NNMT: variants seen among roughly 807,000 people sequenced by gnomAD.
The protein encoded by NNMT is nicotinamide N-methyltransferase.
Under a neutral mutation model 11.7 loss-of-function variants are expected in NNMT, and 10 were observed. The observed-to-expected ratio is 0.85, with a 90% CI of 0.53 to 1.45. The LOEUF (loss-of-function observed/expected upper bound fraction) is 1.45. Ranked by LOEUF, NNMT falls within the 40% of genes most tolerant of loss-of-function variation. The pLI is 0.00. For synonymous variants in NNMT, 143 were observed against 133.8 expected, an observed-to-expected ratio of 1.07 and a Z score of -0.48; for missense variants, 381 against 319.4, an observed-to-expected ratio of 1.19 and a Z score of -1.47.
At chr11:114,309,542 G>A (rs1044875346) in intron 2 of NNMT, among the ~76,000 whole-genome samples, 11 of 151,854 alleles carry the variant, frequency 7.2e-5, no homozygotes, top group Non-Finnish European at 1.6e-4. Context: ...TTTAGTGGTT[G>A]GTAGGAATTC....
At chr11:114,306,095 A>G (rs80172914) in intron 2 of NNMT, among the ~76,000 whole-genome samples, 2,748 of 152,250 alleles carry the variant, frequency 0.018, 87 homozygotes, top group African/African-American at 0.061. Flanking sequence ...TTCTCTGATG[A>G]CCAGTGATGA....
chr11:114,269,494 C>G (rs1253690709), intron 2 of NNMT: 3 of 152,222 alleles, frequency 2.0e-5, no homozygotes, highest in Non-Finnish European at 4.4e-5. Context: ...CTGCACCTCC[C>G]TATTCATTAT....
Position 114,298,106 on chromosome 11 carries a change from G to C in NNMT, c.310G>C (p.Ala104Pro), listed in dbSNP as rs750827011. The change falls in exon 2 of 3, where the codon GCC (alanine) becomes CCC (proline). Residue 104 changes from alanine (A) to proline (P), a missense_variant. By Grantham distance (27) the Ala-to-Pro change is conservative. Transcript: ENST00000299964. ...GAAGTGGCTGAAGAAAGAGCCAGAG[G>C]CCTTTGACTGGTCCCCAGTGGTGAC... ...LEKWLKKEPE[A>P]FDWSPVVTYV... 2.5e-5 allele frequency: 40 copies of C among 1,614,166 alleles called. No individual in the cohort carries two copies. The highest frequency in any genetic ancestry group is 1.6e-4 in the Middle Eastern group (1 of 6,062).
intron 2 of NNMT, among the ~76,000 whole-genome samples, chr11:114,302,995 T>C (rs1442488790): frequency 6.6e-6 from 1 of 152,204 alleles, no homozygotes. Context: ...TTCCAGCCTT[T>C]AGAATTGTAG....
intron 2 of NNMT, among the ~76,000 whole-genome samples, chr11:114,286,447 T>G (rs1440538180): frequency 6.6e-6 from 1 of 152,196 alleles, no homozygotes; most frequent in Admixed American, 6.5e-5. Flanking sequence ...ACCACTATCC[T>G]GGCATCTAAT....
intron 2 of NNMT, among the ~76,000 whole-genome samples, chr11:114,281,419 A>G (rs1435549964): frequency 1.3e-5 from 2 of 152,148 alleles, no homozygotes; most frequent in South Asian, 2.1e-4. Context: ...ACTGGGGAGT[A>G]TAGAGGAGGT....
chr11:114,277,253 A>AAAAG (rs1446895429), intron 2 of NNMT, among the ~76,000 whole-genome samples: 1 of 152,144 alleles, frequency 6.6e-6, no homozygotes, highest in Non-Finnish European at 1.5e-5. Context: ...AAAGAAAAAG[A>AAAAG]AAAGAAAGAA....
At chr11:114,277,220 C>T (rs1005824904) in intron 2 of NNMT, among the ~76,000 whole-genome samples, 2 of 151,874 alleles carry the variant, frequency 1.3e-5, no homozygotes, top group African/African-American at 4.8e-5. Context: ...AAGACTCTGT[C>T]TCAAAAAGTA....
intron 2 of NNMT, among the ~76,000 whole-genome samples, chr11:114,268,309 G>A (rs1945138344): frequency 6.6e-6 from 1 of 152,066 alleles, no homozygotes; most frequent in African/African-American, 2.4e-5. Context: ...CCTTTTTCCA[G>A]CCTCTCCCAG....
chr11:114,267,815 C>A (rs1945133484), intron 2 of NNMT, among the ~76,000 whole-genome samples: 1 of 152,192 alleles, frequency 6.6e-6, no homozygotes. Flanking sequence ...TCTCATTTAA[C>A]CTCAGTGCCA....
intron 2 of NNMT, among the ~76,000 whole-genome samples, chr11:114,267,226 C>T (rs886712327): frequency 2.0e-5 from 3 of 152,344 alleles, no homozygotes; most frequent in East Asian, 1.9e-4. Flanking sequence ...GATCACGTCA[C>T]TGCAGTCCAG....
upstream of NNMT, among the ~76,000 whole-genome samples, chr11:114,291,583 C>T (rs1945335495): frequency 6.6e-6 from 1 of 152,106 alleles, no homozygotes; most frequent in Admixed American, 6.5e-5. Context: ...CGATGGTTGT[C>T]TGCATGCAGC....
intron 2 of NNMT, among the ~76,000 whole-genome samples, chr11:114,291,088 T>C (rs752101568): frequency 6.6e-6 from 1 of 152,240 alleles, no homozygotes; most frequent in African/African-American, 2.4e-5. Context: ...CCTAGACTGT[T>C]ACAATGATTA....
At chr11:114,274,872 G>A (rs1446916267) in intron 2 of NNMT, among the ~76,000 whole-genome samples, 2 of 152,170 alleles carry the variant, frequency 1.3e-5, no homozygotes, top group Non-Finnish European at 2.9e-5. Context: ...CTAAACCTGT[G>A]GAAGCTTTCT....
intron 2 of NNMT, among the ~76,000 whole-genome samples, chr11:114,301,582 T>A (rs777344621): frequency 2.0e-5 from 3 of 151,876 alleles, no homozygotes; most frequent in Admixed American, 6.6e-5. Flanking sequence ...AGGGAAGAAG[T>A]AAAGAAGATA....
intron 2 of NNMT, among the ~76,000 whole-genome samples, chr11:114,275,056 C>G (rs1040963604): frequency 6.6e-6 from 1 of 152,204 alleles, no homozygotes; most frequent in Non-Finnish European, 1.5e-5. Flanking sequence ...CATCTTCACT[C>G]CCAAAATACC....
At chr11:114,304,638 G>GT (rs1307446060) in intron 2 of NNMT, among the ~76,000 whole-genome samples, 2 of 152,138 alleles carry the variant, frequency 1.3e-5, no homozygotes, top group Non-Finnish European at 2.9e-5. Context: ...TGCCAAAGAC[G>GT]TATGTACTGT....
intron 2 of NNMT, among the ~76,000 whole-genome samples, chr11:114,275,481 G>T (rs1432841854): frequency 6.6e-6 from 1 of 152,224 alleles, no homozygotes; most frequent in African/African-American, 2.4e-5. Flanking sequence ...GAGACAGCCG[G>T]CAAGTGGAAA....
At chr11:114,297,547 G>A (rs1945394211) in intron 1 of NNMT, 1 of 181,250 alleles carries the variant, frequency 5.5e-6, no homozygotes, top group African/African-American at 2.5e-5. Flanking sequence ...GTGCAGGGAT[G>A]TGATCACAGC....
Sources: allele counts gnomAD v4.1 joint callset (sites outside exome capture counted in the v4.1 genomes callset), GRCh38; gene constraint gnomAD v4.1.1; transcripts MANE v1.5; gene names NCBI Gene and HGNC (gene_info 2026-07-23, HGNC 2026-07-21).